Variants in METTL21A observed in about 807,000 individuals in gnomAD.
The protein encoded by METTL21A is protein N-lysine methyltransferase METTL21A.
Under a neutral mutation model 20.9 loss-of-function variants are expected in METTL21A, and 22 were observed. That is an observed-to-expected ratio of 1.05 (90% CI 0.75 to 1.50). The LOEUF is 1.50. METTL21A is among the 40% of genes most tolerant of loss of function. The pLI, the probability that METTL21A is intolerant of heterozygous loss-of-function variation, is 0.00. For missense variants in METTL21A, 271 were observed against 266.8 expected (o/e 1.02, Z -0.11); for synonymous variants, 93 against 102.0 (o/e 0.91, Z 0.53).
downstream of METTL21A, chr2:207,581,276 T>A (rs1251015724): frequency 5.1e-6 from 1 of 197,150 alleles, no homozygotes; most frequent in Non-Finnish European, 1.0e-5. Flanking sequence ...GGGTAAAAAA[T>A]TTGAAAAATT....
intron 3 of METTL21A, among the ~76,000 whole-genome samples, chr2:207,586,514 T>A (rs2551647): frequency 0.16 from 23,688 of 152,152 alleles, 2,037 homozygotes; most frequent in Middle Eastern, 0.21. Context: ...GGCAAAAACT[T>A]CATGGCTAAG....
chr2:207,596,839 GA>G lies in METTL21A; in HGVS notation c.260-14680del, dbSNP rs72094349. 9,695 of 1,354,396 alleles carry G rather than the reference GA, an allele frequency of 7.2e-3. 345 individuals are homozygous for G. In the African/African-American group the frequency reaches 0.11, roughly 15 times the overall value. The allele number at this position is 1,354,396 out of a possible 1,614,324, so 83.9% of individuals were successfully genotyped here. On this transcript the variant is annotated intron_variant, in intron 3 of 3. Transcript: ENST00000425132. ...TGCTGTGAGCTATTTCTTTAAAAAA[GA>G]AAAAAAAAAGGTAATCCAAAATAAA...
chr2:207,607,961 C>T (rs192331635), downstream of METTL21A, among the ~76,000 whole-genome samples: 10 of 152,056 alleles, frequency 6.6e-5, no homozygotes, highest in East Asian at 5.8e-4. Context: ...TGCCCAGATA[C>T]GCGCGCTCGC....
downstream of METTL21A, among the ~76,000 whole-genome samples, chr2:207,606,975 G>C (rs1268440723): frequency 6.6e-6 from 1 of 151,948 alleles, no homozygotes; most frequent in East Asian, 1.9e-4. Context: ...CATACCTTCG[G>C]CAAGGAGAAA....
upstream of METTL21A, chr2:207,625,652 C>T (rs1403245777): frequency 6.6e-6 from 1 of 152,266 alleles, no homozygotes; most frequent in African/African-American, 2.4e-5. Context: ...CTGGGCTCTC[C>T]TAGCGGGAGA....
At chr2:207,607,735 A>G (rs1429561352), downstream of METTL21A, among the ~76,000 whole-genome samples, 4 of 116,002 alleles carry the variant, frequency 3.4e-5, no homozygotes, top group East Asian at 5.8e-4. Flanking sequence ...TAATTGGGGG[A>G]AAAATTAGTG....
chr2:207,603,441 CTT>C (rs965086654), intron 3 of METTL21A: 16 of 225,054 alleles, frequency 7.1e-5, no homozygotes, highest in African/African-American at 2.9e-4. Flanking sequence ...CTGTAAGTCT[CTT>C]TTTTGGGGAT....
chr2:207,595,135 A>G (rs1428035043), intron 3 of METTL21A, among the ~76,000 whole-genome samples: 34 of 151,522 alleles, frequency 2.2e-4, no homozygotes, highest in Non-Finnish European at 1.5e-5. Flanking sequence ...AGCTGGGACT[A>G]CAGGCACCCA....
Position 207,586,638 on chromosome 2 carries a change from A to G in METTL21A, c.260-4478T>C, listed in dbSNP as rs537366364. On this transcript the variant is annotated intron_variant, in intron 3 of 3. Coordinates refer to the METTL21A transcript ENST00000425132. ...AGAGACAACCTGCAGAATGGGAGGAATATTTACAAACTGTTCATCTGACAA... is the reference window on the plus strand; with the variant it reads ...AGAGACAACCTGCAGAATGGGAGGAGTATTTACAAACTGTTCATCTGACAA... Among the ~76,000 whole-genome samples, 7 of 152,334 alleles carry G rather than the reference A, an allele frequency of 4.6e-5. No individual in the cohort carries two copies. In the South Asian group the frequency reaches 1.4e-3, roughly 32 times the overall value.
intron 3 of METTL21A, chr2:207,603,202 GAAA>G (rs965225935): frequency 7.0e-5 from 15 of 215,746 alleles, no homozygotes; most frequent in African/African-American, 3.2e-4. Context: ...TATGTGTAAA[GAAA>G]AAAATGTACT....
At chr2:207,605,502 T>TA (rs1227590296), downstream of METTL21A, among the ~76,000 whole-genome samples, 6 of 152,226 alleles carry the variant, frequency 3.9e-5, no homozygotes, top group African/African-American at 1.2e-4. Context: ...TTTTCAAACT[T>TA]ACTTTATGTA....
In METTL21A at chr2:207,599,039, G is replaced by C. The variant is rs1010277209; in HGVS notation, c.260-16879C>G. On this transcript the variant is annotated intron_variant, in intron 3 of 3. Transcript: ENST00000425132. ...AAGATTTTAATTAACATTTGTAAAT[G>C]GTATATTTTCGTTTGTAACAAACCA... is the stretch of plus-strand genomic sequence containing the variant. 3 of 185,124 alleles carry C rather than the reference G, an allele frequency of 1.6e-5. No individual in the cohort carries two copies. The East Asian group carries it at 2.7e-4, about 17-fold the overall frequency. The allele number at this position is 185,124 out of a possible 1,614,324, so 11.5% of individuals were successfully genotyped here.
At chr2:207,581,697 A>G in exon 4 of METTL21A, 1 of 569,660 alleles carries the variant, frequency 1.8e-6, no homozygotes, top group South Asian at 2.4e-5. Context: ...ATCTTAGTAT[A>G]TTACATAACC....
intron 3 of METTL21A, chr2:207,597,188 T>G: frequency 2.1e-6 from 2 of 965,204 alleles, no homozygotes; most frequent in Non-Finnish European, 2.9e-6. Flanking sequence ...TGAAAGCAAC[T>G]ACAGAATTTC....
chr2:207,582,277 GT>G, intron 3 of METTL21A: 1 of 640,494 alleles, frequency 1.6e-6, no homozygotes, highest in South Asian at 1.8e-5. Context: ...TCTCTTTAAA[GT>G]TTTGCCCACC....
At chr2:207,602,367 T>A (rs2087214974) in intron 3 of METTL21A, 1 of 202,252 alleles carries the variant, frequency 4.9e-6, no homozygotes, top group Non-Finnish European at 1.0e-5. Context: ...AGGTCCCAGC[T>A]GGGTATGACA....
At chr2:207,581,829 T>C (rs2082994808) in exon 4 of METTL21A, 2 of 702,080 alleles carry the variant, frequency 2.8e-6, no homozygotes, top group African/African-American at 1.7e-5. Flanking sequence ...CATTTAATTA[T>C]AGTCTCCTTC....
intron 3 of METTL21A, among the ~76,000 whole-genome samples, chr2:207,596,488 C>A (rs534782740): frequency 4.5e-4 from 68 of 152,346 alleles, no homozygotes; most frequent in African/African-American, 1.6e-3. Flanking sequence ...GGCTGGAGTG[C>A]AGTGGCGCAA....
rs147513661 is a variant in METTL21A, at chr2:207,596,439, G to C, written c.260-14279C>G. Among the ~76,000 whole-genome samples, 815 of 150,366 alleles carry C rather than the reference G, an allele frequency of 5.4e-3. 3 individuals are homozygous for C. The highest frequency in any genetic ancestry group is 8.2e-3 in the Non-Finnish European group (556 of 67,688). Reference sequence around the variant, plus strand: ...TGTTTGTTTATGGAGTTGTTTTTTTGTTTGTTTCTTTGAGACGGAGTCTCA... The same window carrying C: ...TGTTTGTTTATGGAGTTGTTTTTTTCTTTGTTTCTTTGAGACGGAGTCTCA... On this transcript the variant is annotated intron_variant, in intron 3 of 3. Coordinates refer to the METTL21A transcript ENST00000425132.
Sources: allele counts gnomAD v4.1 joint callset (sites outside exome capture counted in the v4.1 genomes callset), GRCh38; gene constraint gnomAD v4.1.1; transcripts MANE v1.5; gene names NCBI Gene and HGNC (gene_info 2026-07-23, HGNC 2026-07-21).